WNT3: variants seen among roughly 807,000 people sequenced by gnomAD.
WNT3 encodes the protein Wnt family member 3, also known as proto-oncogene Wnt-3.
A neutral mutation model predicts 34.2 loss-of-function variants in WNT3; 7 were observed. That is an observed-to-expected ratio of 0.20 (90% confidence interval 0.12 to 0.38). The LOEUF is 0.38. Ranked by LOEUF, WNT3 falls within the 10% of genes least tolerant of loss-of-function variation. The pLI is 1.00. For synonymous variants in WNT3, 212 were observed against 211.5 expected, an observed-to-expected ratio of 1.00 and a Z score of -0.02; for missense variants, 267 against 499.8, an observed-to-expected ratio of 0.53 and a Z score of 4.44.
intron 1 of WNT3, among the ~76,000 whole-genome samples, chr17:46,793,697 T>G (rs916763481): frequency 6.6e-6 from 1 of 152,150 alleles, no homozygotes; most frequent in Non-Finnish European, 1.5e-5. Context: ...TGCTGACAAA[T>G]GTGGGCAAGA....
chr17:46,811,859 A>C, intron 1 of WNT3, among the ~76,000 whole-genome samples: 1 of 152,182 alleles, frequency 6.6e-6, no homozygotes, highest in Non-Finnish European at 1.5e-5. Flanking sequence ...CGGGAGGCTG[A>C]GGCAGGAGAA....
At chr17:46,767,602 A>G (rs1189250360) in intron 4 of WNT3, among the ~76,000 whole-genome samples, 7 of 152,218 alleles carry the variant, frequency 4.6e-5, no homozygotes, top group African/African-American at 1.7e-4. Flanking sequence ...ACAGGAAGTT[A>G]CTGACAAAGT....
chr17:46,802,517 C>T (rs541617581), intron 1 of WNT3, among the ~76,000 whole-genome samples: 1 of 152,294 alleles, frequency 6.6e-6, no homozygotes, highest in Admixed American at 6.5e-5. Context: ...ATCCACCTGC[C>T]TCGGCCTCCC....
chr17:46,773,663 A>G lies in WNT3; in HGVS notation c.322+5T>C. The G allele has an allele frequency of 1.1e-6, 1 of 939,144 alleles. No homozygotes were observed. Among genetic ancestry groups the G allele is most frequent in the Non-Finnish European group, 1.5e-6 (1 of 661,320 alleles). 58.2% of individuals were successfully genotyped at this position (939,144 alleles called of 1,614,324 possible). A position where few individuals can be genotyped will look rare whatever the true frequency, so the allele number is the denominator to read the frequency against. On this transcript the variant is annotated splice_donor_5th_base_variant and intron_variant, in intron 2 of 4. Coordinates refer to ENST00000225512, the MANE Select transcript of WNT3 (RefSeq NM_030753.5). Reference sequence around the variant, plus strand: ...CCTCCCCCCCCCTCAGCCCCAAGGCAGTACCTTTGTCGAGGACGGGCCCAA... The same window carrying G: ...CCTCCCCCCCCCTCAGCCCCAAGGCGGTACCTTTGTCGAGGACGGGCCCAA...
At chr17:46,802,728 C>G (rs1185354808) in intron 1 of WNT3, among the ~76,000 whole-genome samples, 2 of 152,210 alleles carry the variant, frequency 1.3e-5, no homozygotes, top group Non-Finnish European at 2.9e-5. Flanking sequence ...GGTTCAAGTG[C>G]TTCCGGATAG....
intron 1 of WNT3, among the ~76,000 whole-genome samples, chr17:46,803,148 C>T (rs543743497): frequency 6.6e-6 from 1 of 152,332 alleles, no homozygotes; most frequent in South Asian, 2.1e-4. Context: ...GGTGTATGCA[C>T]GCATTTGGTC....
chr17:46,776,237 C>G (rs958896265), intron 1 of WNT3, among the ~76,000 whole-genome samples: 1 of 152,202 alleles, frequency 6.6e-6, no homozygotes, highest in Non-Finnish European at 1.5e-5. Flanking sequence ...CAGGCCTGGC[C>G]CATCTGCACC....
chr17:46,811,018 G>A (rs547587517), intron 1 of WNT3, among the ~76,000 whole-genome samples: 2 of 152,150 alleles, frequency 1.3e-5, no homozygotes, highest in African/African-American at 4.8e-5. Flanking sequence ...CACACATAAT[G>A]AGGCCATTTT....
At chr17:46,809,060 G>A (rs1408996774) in intron 1 of WNT3, among the ~76,000 whole-genome samples, 1 of 152,192 alleles carries the variant, frequency 6.6e-6, no homozygotes, top group Non-Finnish European at 1.5e-5. Flanking sequence ...GGAGGTGGAA[G>A]TATTTCAATG....
intron 1 of WNT3, among the ~76,000 whole-genome samples, chr17:46,794,055 G>A (rs567887162): frequency 6.6e-6 from 1 of 152,274 alleles, no homozygotes; most frequent in African/African-American, 2.4e-5. Context: ...AATCTAACAG[G>A]CATGTTCATA....
intron 1 of WNT3, among the ~76,000 whole-genome samples, chr17:46,810,058 A>G (rs1158344963): frequency 6.8e-6 from 1 of 146,960 alleles, no homozygotes; most frequent in Admixed American, 6.8e-5. Flanking sequence ...CCAGGCTGGA[A>G]GGCAGTGGTG....
At chr17:46,794,505 A>G (rs2084027244) in intron 1 of WNT3, among the ~76,000 whole-genome samples, 1 of 152,178 alleles carries the variant, frequency 6.6e-6, no homozygotes, top group Admixed American at 6.5e-5. Flanking sequence ...GGAGCCAAAG[A>G]ACATAGTCAG....
Position 46,768,449 on chromosome 17 carries a change from G to A in WNT3, c.939C>T (p.Leu313=). Residue 313 remains leucine (L), a synonymous_variant, in exon 4 of 5, where the codon CTC becomes CTT. Transcript: ENST00000225512. This position sits in a 1 kb window ranked among gnomAD's most constrained non-coding sequence, Gnocchi z 5.0. ...TCGTGTTGTGGCCCCGGCCACAGCA[G>A]AGCAGATCGCAGCCATCGATGCCGT... ...TSHGIDGCDL[L]CCGRGHNTRT... The A allele has an allele frequency of 6.2e-7, 1 of 1,614,148 alleles. No homozygotes were observed. The highest frequency in any genetic ancestry group is 8.5e-7 in the Non-Finnish European group (1 of 1,180,042).
intron 1 of WNT3, among the ~76,000 whole-genome samples, chr17:46,803,118 G>A (rs1238103407): frequency 1.3e-5 from 2 of 152,328 alleles, no homozygotes; most frequent in African/African-American, 4.8e-5. Context: ...GATGTCTGCC[G>A]CAGAATTGAC....
chr17:46,768,203 C>T lies in WNT3; in HGVS notation c.*8+109G>A. The T allele has an allele frequency of 6.6e-7, 1 of 1,517,176 alleles. No individual in the cohort carries two copies. Among genetic ancestry groups the T allele is most frequent in the South Asian group, 1.2e-5 (1 of 85,028 alleles). 94.0% of individuals were successfully genotyped at this position (1,517,176 alleles called of 1,614,324 possible). A position where few individuals can be genotyped will look rare whatever the true frequency, so the allele number is the denominator to read the frequency against. ...ATTTTGGCTGTGGGAACTTGTGTGT[C>T]TTGGATAGCTTAGAAACAGAAGGGG... On this transcript the variant is annotated intron_variant, in intron 4 of 4. Coordinates refer to ENST00000225512, the MANE Select transcript of WNT3 (RefSeq NM_030753.5). The surrounding 1 kb of genome is among the most constrained non-coding windows in gnomAD (Gnocchi z 5.0).
chr17:46,765,634 C>T (rs1352160677), intron 4 of WNT3, among the ~76,000 whole-genome samples: 1 of 152,270 alleles, frequency 6.6e-6, no homozygotes, highest in African/African-American at 2.4e-5. Flanking sequence ...GTGCATCCCG[C>T]AGGCTCCCGT....
At position 46,768,293 on chromosome 17, in the gene WNT3, C is replaced by T. The variant is rs777006778; in HGVS notation, c.*8+19G>A. The T allele has an allele frequency of 2.5e-6, 4 of 1,612,852 alleles. No homozygotes were observed. The highest frequency in any genetic ancestry group is 1.3e-5 in the African/African-American group (1 of 75,054). On this transcript the variant is annotated intron_variant, in intron 4 of 4. Transcript: ENST00000225512. The surrounding 1 kb of genome is among the most constrained non-coding windows in gnomAD (Gnocchi z 5.0). ...TGCGCCCAGGCTCCCAGCCTCCCCC[C>T]TGCTTCCCGGAGCCCTACCTGGTGC... is the stretch of plus-strand genomic sequence containing the variant.
chr17:46,785,278 C>T (rs2059494558), intron 1 of WNT3, among the ~76,000 whole-genome samples: 1 of 152,178 alleles, frequency 6.6e-6, no homozygotes, highest in Non-Finnish European at 1.5e-5. Context: ...TAACTCTGAG[C>T]CTTTGGGCTT....
chr17:46,789,361 G>A (rs199496), intron 1 of WNT3, among the ~76,000 whole-genome samples: 16,016 of 152,202 alleles, frequency 0.11, 974 homozygotes, highest in African/African-American at 0.16. Flanking sequence ...TATACACTAC[G>A]GCAGATCACT....
Sources: gnomAD v4.1 joint callset for allele counts (sites outside exome capture counted in the v4.1 genomes callset) on GRCh38, gnomAD v4.1.1 for gene constraint, Gnocchi (gnomAD v3.1) non-coding constraint, MANE v1.5 for transcripts, NCBI Gene and HGNC (gene_info 2026-07-23, HGNC 2026-07-21) for gene names.